The following FSTL4 variants were observed in gnomAD, a reference collection of about 807,000 sequenced individuals.
FSTL4 encodes follistatin like 4.
A neutral mutation model predicts 78.2 loss-of-function variants in FSTL4; 28 were observed. The observed-to-expected ratio is 0.36, with a 90% CI of 0.27 to 0.49. The LOEUF is 0.49. Ranked by LOEUF, FSTL4 falls within the 20% of genes least tolerant of loss-of-function variation. The pLI, the probability that FSTL4 is intolerant of heterozygous loss-of-function variation, is 0.98. For missense variants in FSTL4, 922 were observed against 1,084.9 expected (o/e 0.85, Z 2.11); for synonymous variants, 422 against 440.5 (o/e 0.96, Z 0.53).
At chr5:133,719,993 T>C in the FSTL4 span, among the ~76,000 whole-genome samples, 1 of 152,172 alleles carries the variant, frequency 6.6e-6, no homozygotes, top group African/African-American at 2.4e-5. Context: ...TCAAGCTTCA[T>C]TATGGGAGAA....
chr5:133,500,109 C>T (rs893886194), intron 3 of FSTL4, among the ~76,000 whole-genome samples: 11 of 152,052 alleles, frequency 7.2e-5, no homozygotes, highest in Admixed American at 4.6e-4. Flanking sequence ...TGTCCTGGGC[C>T]CCATTTCAAG....
rs1424450580 is a variant in FSTL4, at chr5:133,236,666, G to T, written c.895-3129C>A. 1.3e-5 allele frequency among the ~76,000 whole-genome samples: 2 copies of T among 152,152 alleles called. No homozygotes were observed. Among genetic ancestry groups the T allele is most frequent in the East Asian group, 1.9e-4 (1 of 5,178 alleles). ...CATACTCAGAGCCTTGTTTGCTGGG[G>T]GCCAGCCCCTCTCAGACCCTACTGC... On this transcript the variant is annotated intron_variant, in intron 7 of 15. Transcript: ENST00000265342. The surrounding 1 kb of genome is among the most constrained non-coding windows in gnomAD (Gnocchi z 5.0).
At chr5:133,773,531 C>G in the FSTL4 span, among the ~76,000 whole-genome samples, 4 of 152,162 alleles carry the variant, frequency 2.6e-5, no homozygotes, top group Non-Finnish European at 5.9e-5. Context: ...TTAACAGGAG[C>G]CACATTTCTC....
At chr5:133,503,809 G>C (rs1758555672) in intron 3 of FSTL4, among the ~76,000 whole-genome samples, 1 of 152,160 alleles carries the variant, frequency 6.6e-6, no homozygotes, top group Non-Finnish European at 1.5e-5. Flanking sequence ...GTCCATCATT[G>C]TATTAGTCCA....
At chr5:133,483,109 T>C (rs1354866983) in intron 3 of FSTL4, among the ~76,000 whole-genome samples, 1 of 152,160 alleles carries the variant, frequency 6.6e-6, no homozygotes, top group African/African-American at 2.4e-5. Context: ...ATAAGACTTA[T>C]ATGAGATCTG....
intron 4 of FSTL4, among the ~76,000 whole-genome samples, chr5:133,341,669 C>T (rs968971936): frequency 3.9e-5 from 6 of 152,140 alleles, no homozygotes; most frequent in East Asian, 1.9e-4. Context: ...CTCCAGCCCC[C>T]GCTCTCTGCT....
chr5:133,639,679 T>C, the FSTL4 span, among the ~76,000 whole-genome samples: 3 of 152,270 alleles, frequency 2.0e-5, no homozygotes, highest in Admixed American at 2.0e-4. Context: ...GGAAGGGCAA[T>C]GGGTGCAGAG....
chr5:133,477,073 G>T (rs1005395699), intron 3 of FSTL4, among the ~76,000 whole-genome samples: 1 of 152,136 alleles, frequency 6.6e-6, no homozygotes, highest in African/African-American at 2.4e-5. Flanking sequence ...TCAGCATTTT[G>T]CTTAAGAAGC....
the FSTL4 span, among the ~76,000 whole-genome samples, chr5:133,760,063 T>G: frequency 2.0e-5 from 3 of 152,176 alleles, no homozygotes; most frequent in Non-Finnish European, 4.4e-5. Flanking sequence ...ATGAGGACAG[T>G]AAGAGACAGG....
chr5:133,753,672 C>A, the FSTL4 span, among the ~76,000 whole-genome samples: 1 of 141,132 alleles, frequency 7.1e-6, no homozygotes, highest in African/African-American at 2.7e-5. Flanking sequence ...CTTTGTGGGT[C>A]CACATTTGTT....
chr5:133,409,928 G>T (rs572522666), intron 3 of FSTL4, among the ~76,000 whole-genome samples: 2 of 152,208 alleles, frequency 1.3e-5, no homozygotes, highest in South Asian at 4.1e-4. Flanking sequence ...TCGTGGGTAC[G>T]TGAGAGGGCT....
chr5:133,663,441 C>G, the FSTL4 span, among the ~76,000 whole-genome samples: 8 of 152,160 alleles, frequency 5.3e-5, no homozygotes, highest in African/African-American at 2.4e-5. Flanking sequence ...TATCAATGAG[C>G]CTTTCTTCAC....
chr5:133,700,006 C>G, the FSTL4 span, among the ~76,000 whole-genome samples: 4 of 152,024 alleles, frequency 2.6e-5, no homozygotes, highest in Non-Finnish European at 5.9e-5. Context: ...CTCCAGACTT[C>G]TTGTCAGATT....
At chr5:133,615,697 A>G (rs1333925433), upstream of FSTL4, among the ~76,000 whole-genome samples, 1 of 152,240 alleles carries the variant, frequency 6.6e-6, no homozygotes, top group East Asian at 1.9e-4. Context: ...TCACCTAGAA[A>G]TTAAGGGAAT....
rs1235862342 is a variant in FSTL4, at chr5:133,361,161, T to C, written c.409+39577A>G. On this transcript the variant is annotated intron_variant, in intron 4 of 15. Transcript: ENST00000265342. The surrounding 1 kb of genome is among the most constrained non-coding windows in gnomAD (Gnocchi z 4.3). ...AGCCGAGAGCAAGTCTGAAACATGA[T>C]TCCCGACCTCTTCTCGCTCTAATAA... 6.6e-6 allele frequency among the ~76,000 whole-genome samples: 1 copy of C among 152,166 alleles called. No individual in the cohort carries two copies. The highest frequency in any genetic ancestry group is 1.5e-5 in the Non-Finnish European group (1 of 68,032).
Position 133,233,560 on chromosome 5 carries a change from T to C in FSTL4, c.895-23A>G, listed in dbSNP as rs1581552935. 1.9e-6 allele frequency: 3 copies of C among 1,566,826 alleles called. No individual in the cohort carries two copies. The African/African-American group carries it at 4.8e-5, about 25-fold the overall frequency. Reference sequence around the variant, plus strand: ...GTCCTGCACAGGGCAAAGATGACGATGAGACTGGCCTCTTTATTGAACGGG... The same window carrying C: ...GTCCTGCACAGGGCAAAGATGACGACGAGACTGGCCTCTTTATTGAACGGG... On this transcript the variant is annotated intron_variant, in intron 7 of 15. Coordinates refer to ENST00000265342, the MANE Select transcript of FSTL4 (RefSeq NM_015082.2).
the FSTL4 span, among the ~76,000 whole-genome samples, chr5:133,753,840 T>C: frequency 1.3e-5 from 2 of 152,188 alleles, no homozygotes; most frequent in South Asian, 2.1e-4. Flanking sequence ...CAGTGAACCA[T>C]AGTGCAGCCC....
chr5:133,721,403 A>T, the FSTL4 span, among the ~76,000 whole-genome samples: 4 of 152,154 alleles, frequency 2.6e-5, no homozygotes, highest in African/African-American at 9.7e-5. Flanking sequence ...TCATGATGGT[A>T]ATTATTGTCC....
rs71585576 is a variant in FSTL4, at chr5:133,237,514, T to C, written c.895-3977A>G. ...ACTTGAGGGGCTCCTGGGTGTGTTA[T>C]GGCTCTTCCGTGAGAACCTAAGCAT... On this transcript the variant is annotated intron_variant, in intron 7 of 15. Transcript: ENST00000265342. Among the ~76,000 whole-genome samples the C allele has an allele frequency of 6.0e-3, 907 of 152,296 alleles. 5 individuals carry two copies. Among genetic ancestry groups the C allele is most frequent in the East Asian group, 0.014 (72 of 5,180 alleles).
Sources: allele counts gnomAD v4.1 joint callset (sites outside exome capture counted in the v4.1 genomes callset), GRCh38; gene constraint gnomAD v4.1.1; non-coding constraint Gnocchi (gnomAD v3.1); transcripts MANE v1.5; gene names NCBI Gene and HGNC (gene_info 2026-07-23, HGNC 2026-07-21).